The following DNAI4 variants were observed in gnomAD, a reference collection of about 807,000 sequenced individuals.
DNAI4 encodes dynein axonemal intermediate chain 4.
In DNAI4, 85 loss-of-function variants were observed where a neutral mutation model predicts 105.8. The observed-to-expected ratio is 0.80, with a 90% CI of 0.67 to 0.96. The LOEUF (loss-of-function observed/expected upper bound fraction) is 0.96. Ranked by LOEUF, DNAI4 falls within the 40% of genes least tolerant of loss-of-function variation. DNAI4 has a pLI of 0.00. For synonymous variants in DNAI4, 352 were observed against 331.5 expected (o/e 1.06, Z -0.67); for missense variants, 1,014 against 1,005.6 (o/e 1.01, Z -0.11).
chr1:66,831,847 C>G (rs1261147521), intron 13 of DNAI4, among the ~76,000 whole-genome samples: 1 of 152,084 alleles, frequency 6.6e-6, no homozygotes, highest in Non-Finnish European at 1.5e-5. Context: ...TATTTACAGA[C>G]CATATGATCA....
At chr1:66,857,703 T>G (rs1256571488) in intron 7 of DNAI4, among the ~76,000 whole-genome samples, 4 of 151,928 alleles carry the variant, frequency 2.6e-5, no homozygotes, top group Non-Finnish European at 5.9e-5. Context: ...CCCGGCTGAT[T>G]TTGAATTTTT....
intron 7 of DNAI4, among the ~76,000 whole-genome samples, chr1:66,855,607 T>C (rs1646483773): frequency 1.3e-5 from 2 of 152,144 alleles, no homozygotes; most frequent in Admixed American, 1.3e-4. Flanking sequence ...AAGAAAATTA[T>C]CCGAGATAAA....
At chr1:66,905,642 C>T (rs540918843) in intron 1 of DNAI4, among the ~76,000 whole-genome samples, 1 of 152,228 alleles carries the variant, frequency 6.6e-6, no homozygotes, top group South Asian at 2.1e-4. Context: ...GGAAACATTC[C>T]TACAATGGTT....
intron 7 of DNAI4, among the ~76,000 whole-genome samples, chr1:66,850,838 T>C (rs1646381478): frequency 6.6e-6 from 1 of 151,688 alleles, no homozygotes; most frequent in Non-Finnish European, 1.5e-5. Flanking sequence ...ATAAAAAAGC[T>C]GCACATAAAC....
intron 4 of DNAI4, among the ~76,000 whole-genome samples, chr1:66,883,859 TTC>T (rs1647134593): frequency 6.6e-6 from 1 of 152,314 alleles, no homozygotes; most frequent in Middle Eastern, 3.4e-3. Context: ...TATTTGAAAT[TTC>T]TCTTTGCAAT....
rs1466684625 is a variant in DNAI4 at position 66,924,721 on chromosome 1, C to G, written c.111G>C (p.Gln37His). The G allele has an allele frequency of 6.2e-7, 1 of 1,614,226 alleles. No homozygotes were observed. Among genetic ancestry groups the G allele is most frequent in the Admixed American group, 1.7e-5 (1 of 60,034 alleles). Reference sequence around the variant, plus strand: ...GAGAGACTGGCATGGTGGCGACCAGCTGGGGAGTGGTGCACCACCCCTTTT... The same window carrying G: ...GAGAGACTGGCATGGTGGCGACCAGGTGGGGAGTGGTGCACCACCCCTTTT... Reference protein sequence around the residue: ...GQKKGWCTTPQLVATMPVSPA... With the variant: ...GQKKGWCTTPHLVATMPVSPA... The change falls in exon 1 of 17, where the codon CAG (glutamine) becomes CAC (histidine). Residue 37 changes from glutamine to histidine, a missense_variant. Physicochemically the swap from Gln to His is conservative, Grantham distance 24. Transcript: ENST00000371026.
At chr1:66,921,439 A>G (rs775453060) in intron 1 of DNAI4, 3 of 152,258 alleles carry the variant, frequency 2.0e-5, no homozygotes, top group Non-Finnish European at 4.4e-5. Flanking sequence ...AATTAGGCCA[A>G]ACCAAAAGGT....
At chr1:66,852,766 A>C (rs146408899) in intron 7 of DNAI4, among the ~76,000 whole-genome samples, 159 of 152,220 alleles carry the variant, frequency 1.0e-3, no homozygotes, top group African/African-American at 3.6e-3. Flanking sequence ...TCTAACCCCC[A>C]ATGTAATGGT....
intron 4 of DNAI4, among the ~76,000 whole-genome samples, chr1:66,884,714 AGGGT>A (rs1647156217): frequency 6.6e-6 from 1 of 152,182 alleles, no homozygotes; most frequent in Admixed American, 6.5e-5. Flanking sequence ...CTTTGGCATC[AGGGT>A]GATGCTGGCC....
At chr1:66,822,054 C>T (rs1357743943) in intron 16 of DNAI4, among the ~76,000 whole-genome samples, 1 of 151,918 alleles carries the variant, frequency 6.6e-6, no homozygotes, top group Non-Finnish European at 1.5e-5. Flanking sequence ...CTTTGAATAT[C>T]TTTAAGAATT....
Position 66,827,847 on chromosome 1 carries a change from T to C in DNAI4, c.2077A>G (p.Asn693Asp). 6.2e-7 allele frequency: 1 copy of C among 1,604,534 alleles called. No homozygotes were observed. The highest frequency in any genetic ancestry group is 8.5e-7 in the Non-Finnish European group (1 of 1,174,684). ...GHIHKCSCSY[N>D]EQYLDTYRGH... ...CTGTAGGTATCTAAGTATTGTTCAT[T>C]ATATGAACAAGAACATTTGTGAATA... Residue 693 changes from asparagine to aspartate, a missense_variant, in exon 14 of 17, where the codon AAT (asparagine) becomes GAT (aspartate). Coordinates refer to ENST00000371026, the MANE Select transcript of DNAI4 (RefSeq NM_024763.5).
intron 1 of DNAI4, among the ~76,000 whole-genome samples, chr1:66,917,747 C>T (rs1040698200): frequency 3.9e-5 from 6 of 152,208 alleles, no homozygotes; most frequent in African/African-American, 1.4e-4. Flanking sequence ...GTATTCTTAA[C>T]TTATGGTAAT....
intron 4 of DNAI4, among the ~76,000 whole-genome samples, chr1:66,878,398 C>T (rs1190680942): frequency 6.6e-6 from 1 of 152,054 alleles, no homozygotes; most frequent in Non-Finnish European, 1.5e-5. Context: ...CTTGCTGGCT[C>T]ATCTTGTATC....
chr1:66,860,256 T>G (rs1646596274), intron 7 of DNAI4, among the ~76,000 whole-genome samples: 1 of 152,082 alleles, frequency 6.6e-6, no homozygotes, highest in South Asian at 2.1e-4. Flanking sequence ...TTATTGGACG[T>G]TTTCCCCCCT....
At chr1:66,850,723 G>A (rs1270438288) in intron 7 of DNAI4, among the ~76,000 whole-genome samples, 1 of 151,776 alleles carries the variant, frequency 6.6e-6, no homozygotes, top group Non-Finnish European at 1.5e-5. Flanking sequence ...TATAAATGGG[G>A]GTGGAATCTA....
At chr1:66,830,160 C>T (rs1412648618) in intron 13 of DNAI4, among the ~76,000 whole-genome samples, 1 of 150,902 alleles carries the variant, frequency 6.6e-6, no homozygotes, top group Non-Finnish European at 1.5e-5. Context: ...ATTAGAAAAA[C>T]AAGAACAAAT....
intron 10 of DNAI4, 52 bp downstream of exon 10, chr1:66,837,658 A>G: frequency 6.6e-7 from 1 of 1,518,390 alleles, no homozygotes; most frequent in Non-Finnish European, 9.0e-7. Context: ...ATATTTTATG[A>G]GAATTTTGTC....
chr1:66,859,042 T>G (rs1646566963), intron 7 of DNAI4, among the ~76,000 whole-genome samples: 1 of 152,030 alleles, frequency 6.6e-6, no homozygotes, highest in South Asian at 2.1e-4. Flanking sequence ...ACCCTGCTAA[T>G]AAAAATGAAG....
Position 66,833,671 on chromosome 1 carries a change from T to C in DNAI4, c.1927A>G (p.Asn643Asp), listed in dbSNP as rs766230083. ...TTTTCCTTTTCCCCTCCTTTTTTGT[T>C]ACTGGCAGCTGTAGTTCTCTTTAAT... Reference protein sequence around the residue: ...MRLKRTTAASNKKGGEKEKKD... With the variant: ...MRLKRTTAASDKKGGEKEKKD... Residue 643 changes from asparagine to aspartate, a missense_variant, in exon 13 of 17, where the codon AAC (asparagine) becomes GAC (aspartate). Coordinates refer to ENST00000371026, the MANE Select transcript of DNAI4 (RefSeq NM_024763.5). The C allele has an allele frequency of 6.2e-7, 1 of 1,613,404 alleles. No homozygotes were observed. Among genetic ancestry groups the C allele is most frequent in the East Asian group, 2.2e-5 (1 of 44,844 alleles).
Sources: allele counts gnomAD v4.1 joint callset (sites outside exome capture counted in the v4.1 genomes callset), GRCh38; gene constraint gnomAD v4.1.1; transcripts MANE v1.5; gene names NCBI Gene and HGNC (gene_info 2026-07-23, HGNC 2026-07-21).